DIP2C: variants seen among roughly 807,000 people sequenced by gnomAD.
The protein encoded by DIP2C is disco-interacting protein 2 homolog C.
DIP2C carries 33 observed loss-of-function variants against 192.4 expected under a neutral mutation model. That is an observed-to-expected ratio of 0.17 (90% CI 0.13 to 0.23). The LOEUF (loss-of-function observed/expected upper bound fraction) is 0.23, where lower values mean the gene tolerates loss of function less well. Ranked by LOEUF, DIP2C falls within the 10% of genes least tolerant of loss-of-function variation. The pLI is 1.00. For synonymous variants in DIP2C, 979 were observed against 864.1 expected, an observed-to-expected ratio of 1.13 and a Z score of -2.33; for missense variants, 1,537 against 2,110.1, an observed-to-expected ratio of 0.73 and a Z score of 5.32.
chr10:434,013 C>A (rs1966974935), intron 4 of DIP2C, among the ~76,000 whole-genome samples: 1 of 151,878 alleles, frequency 6.6e-6, no homozygotes, highest in Non-Finnish European at 1.5e-5. Flanking sequence ...TATAAATTCA[C>A]AAGTAACCCA....
At chr10:571,472 C>A (rs540040849) in intron 1 of DIP2C, among the ~76,000 whole-genome samples, 28 of 152,010 alleles carry the variant, frequency 1.8e-4, no homozygotes, top group Non-Finnish European at 4.0e-4. Flanking sequence ...CTGCATCCCC[C>A]CTCCTTCACT....
At chr10:344,634 G>C (rs1028194898) in intron 28 of DIP2C, among the ~76,000 whole-genome samples, 175 bp downstream of exon 28, 1 of 152,172 alleles carries the variant, frequency 6.6e-6, no homozygotes, top group Admixed American at 6.5e-5. Flanking sequence ...CAGTCAGCCT[G>C]GTTAAGGATG....
intron 1 of DIP2C, among the ~76,000 whole-genome samples, chr10:614,297 C>T (rs1239889493): frequency 6.6e-6 from 1 of 152,218 alleles, no homozygotes; most frequent in Non-Finnish European, 1.5e-5. Flanking sequence ...GGTGCATTTC[C>T]CCTGGAGACT....
intron 1 of DIP2C, among the ~76,000 whole-genome samples, chr10:564,772 A>T (rs1383693001): frequency 6.6e-6 from 1 of 152,152 alleles, no homozygotes; most frequent in Non-Finnish European, 1.5e-5. Context: ...GGCCGAACAC[A>T]CCAGCCACCT....
At position 618,955 on chromosome 10, in the gene DIP2C, ATTC is replaced by A. The variant is rs367714158; in HGVS notation, c.85+70536_85+70538del. On this transcript the variant is annotated intron_variant, in intron 1 of 36. Transcript: ENST00000280886. ...TAGAAAAACATCAAAAATACTTCCAATTCTTCTTTCCAGCTGAGGCTGCAGGAA... is the reference window on the plus strand; with the variant it reads ...TAGAAAAACATCAAAAATACTTCCAATTCTTTCCAGCTGAGGCTGCAGGAA... Among the ~76,000 whole-genome samples the A allele has an allele frequency of 3.6e-3, 552 of 152,274 alleles. 6 individuals are homozygous for A. Among genetic ancestry groups the A allele is most frequent in the South Asian group, 0.016 (78 of 4,816 alleles).
At chr10:679,499 CACACCCGT>C (rs1831039736) in intron 1 of DIP2C, among the ~76,000 whole-genome samples, 1 of 51,710 alleles carries the variant, frequency 1.9e-5, no homozygotes, top group Non-Finnish European at 4.7e-5. Context: ...CCCTGCTCCC[CACACCCGT>C]GCTCCCCACG....
chr10:520,815 C>T (rs1045875673), intron 1 of DIP2C, among the ~76,000 whole-genome samples: 20 of 152,232 alleles, frequency 1.3e-4, no homozygotes, highest in Admixed American at 1.1e-3. Flanking sequence ...AACACTAATT[C>T]TACTTCCATG....
chr10:462,552 A>C (rs190799095), intron 3 of DIP2C, among the ~76,000 whole-genome samples: 3 of 152,226 alleles, frequency 2.0e-5, no homozygotes, highest in African/African-American at 7.2e-5. Flanking sequence ...AACCAAAAAA[A>C]GTCCAGGACC....
At chr10:361,910 G>T (rs542183621) in intron 22 of DIP2C, among the ~76,000 whole-genome samples, 1 of 152,052 alleles carries the variant, frequency 6.6e-6, no homozygotes, top group African/African-American at 2.4e-5. Context: ...CATTCCCCGT[G>T]TCAATCATAA....
At chr10:430,123 AT>A (rs1290013442) in intron 4 of DIP2C, 1 of 152,090 alleles carries the variant, frequency 6.6e-6, no homozygotes, top group Non-Finnish European at 1.5e-5. Context: ...TTCAATCTGC[AT>A]TTCTCTATGA....
rs538830823 is a variant in DIP2C, at chr10:478,768, C to T, written c.158-6219G>A. Among the ~76,000 whole-genome samples, 8 of 149,930 alleles carry T rather than the reference C, an allele frequency of 5.3e-5. No homozygotes were observed. In the East Asian group the frequency reaches 6.0e-4, roughly 11 times the overall value. On this transcript the variant is annotated intron_variant, in intron 2 of 36. Transcript: ENST00000280886. ...ATTCCCGTCTTATTCTCACTCATCG[C>T]GTGTCCAGGCGTGCAGATACATCCA...
At chr10:365,273 C>G (rs1338282843) in intron 19 of DIP2C, among the ~76,000 whole-genome samples, 1 of 152,212 alleles carries the variant, frequency 6.6e-6, no homozygotes, top group Non-Finnish European at 1.5e-5. Flanking sequence ...TGGCTCATGC[C>G]TGTAATCCCG....
At chr10:507,544 C>T (rs1439583741) in intron 1 of DIP2C, among the ~76,000 whole-genome samples, 1 of 152,030 alleles carries the variant, frequency 6.6e-6, no homozygotes, top group Admixed American at 6.6e-5. Flanking sequence ...CAATCAGAGG[C>T]GTGCGAGGTT....
chr10:670,229 C>T (rs1284429813), intron 1 of DIP2C, among the ~76,000 whole-genome samples: 1 of 142,312 alleles, frequency 7.0e-6, no homozygotes, highest in Non-Finnish European at 1.5e-5. Flanking sequence ...CACACGCATG[C>T]ATGCACACGC....
chr10:526,600 C>T (rs779838176), intron 1 of DIP2C, among the ~76,000 whole-genome samples: 26 of 152,080 alleles, frequency 1.7e-4, no homozygotes, highest in Admixed American at 6.5e-4. Flanking sequence ...TTACTAGAGA[C>T]GACCTTGTGG....
chr10:614,209 A>G (rs1267688159), intron 1 of DIP2C, among the ~76,000 whole-genome samples: 1 of 152,210 alleles, frequency 6.6e-6, no homozygotes, highest in Non-Finnish European at 1.5e-5. Flanking sequence ...GCCCAAGCCG[A>G]GTCACACTTG....
Position 417,808 on chromosome 10 carries a change from G to A in DIP2C, c.739+1257C>T, listed in dbSNP as rs1274497388. ...CTCGGATAGGCCTCCCTGTCCACCT[G>A]TTCCTGTCAGGGCGCGGACAGGCCT... On this transcript the variant is annotated intron_variant, in intron 6 of 36. Transcript: ENST00000280886. Among the ~76,000 whole-genome samples the A allele has an allele frequency of 2.8e-4, 23 of 83,534 alleles. 2 individuals carry two copies. Among genetic ancestry groups the A allele is most frequent in the Non-Finnish European group, 4.2e-4 (18 of 42,720 alleles). 54.8% of individuals were successfully genotyped at this position (83,534 alleles called of 152,430 possible).
intron 32 of DIP2C, among the ~76,000 whole-genome samples, chr10:309,051 A>G (rs111752475): frequency 6.7e-4 from 102 of 152,334 alleles, no homozygotes; most frequent in African/African-American, 2.2e-3. Context: ...GACGGCGATA[A>G]GGGAAGGCAC....
At chr10:530,938 G>T (rs1462289697) in intron 1 of DIP2C, among the ~76,000 whole-genome samples, 1 of 152,164 alleles carries the variant, frequency 6.6e-6, no homozygotes, top group Non-Finnish European at 1.5e-5. Flanking sequence ...GACCTTGGCA[G>T]ACTCCCGATG....
Sources: allele counts gnomAD v4.1 joint callset (sites outside exome capture counted in the v4.1 genomes callset), GRCh38; gene constraint gnomAD v4.1.1; transcripts MANE v1.5; gene names NCBI Gene and HGNC (gene_info 2026-07-23, HGNC 2026-07-21).